The following LRRC7 variants were observed in gnomAD, a reference collection of about 807,000 sequenced individuals.
The protein encoded by LRRC7 is leucine rich repeat containing 7, also known as leucine-rich repeat-containing protein 7.
A neutral mutation model predicts 175.7 loss-of-function variants in LRRC7; 23 were observed. That is an observed-to-expected ratio of 0.13 (90% confidence interval 0.09 to 0.19). The LOEUF (loss-of-function observed/expected upper bound fraction) is 0.19. LRRC7 is among the 10% of genes least tolerant of loss of function. LRRC7 has a pLI of 1.00. For missense variants in LRRC7, 1,354 were observed against 1,904.7 expected (o/e 0.71, Z 5.38); for synonymous variants, 685 against 680.9 (o/e 1.01, Z -0.09).
chr1:69,753,075 T>G (rs1211375003), intron 2 of LRRC7, among the ~76,000 whole-genome samples: 1 of 152,116 alleles, frequency 6.6e-6, no homozygotes, highest in Non-Finnish European at 1.5e-5. Context: ...AATGTGGATA[T>G]GTACTTCCAT....
At chr1:69,795,237 G>A (rs987465228) in intron 4 of LRRC7, among the ~76,000 whole-genome samples, 1 of 152,068 alleles carries the variant, frequency 6.6e-6, no homozygotes, top group African/African-American at 2.4e-5. Context: ...AAAATTAGCT[G>A]GATGTGGTGG....
chr1:69,837,002 A>G (rs919319372), intron 6 of LRRC7, among the ~76,000 whole-genome samples: 3 of 152,062 alleles, frequency 2.0e-5, no homozygotes, highest in South Asian at 4.1e-4. Flanking sequence ...CAGAGAATCC[A>G]ATTAATATCT....
intron 3 of LRRC7, among the ~76,000 whole-genome samples, chr1:69,791,340 A>G (rs2093664556): frequency 6.6e-6 from 1 of 152,028 alleles, no homozygotes; most frequent in Non-Finnish European, 1.5e-5. Flanking sequence ...TATTTGGGTA[A>G]AGCTCAATAA....
chr1:69,629,229 C>T (rs1416751633), intron 1 of LRRC7, among the ~76,000 whole-genome samples: 1 of 151,944 alleles, frequency 6.6e-6, no homozygotes, highest in Non-Finnish European at 1.5e-5. Flanking sequence ...AGGCTGTTAT[C>T]CAAGATGTAC....
At chr1:70,077,904 G>A (rs650184) in intron 24 of LRRC7, among the ~76,000 whole-genome samples, 113,207 of 151,984 alleles carry the variant, frequency 0.74, 42,265 homozygotes, top group Middle Eastern at 0.83. Context: ...TAAGCATTCA[G>A]TTGAATGCTT....
chr1:69,657,060 A>G (rs1417700394), intron 1 of LRRC7, among the ~76,000 whole-genome samples: 2 of 151,778 alleles, frequency 1.3e-5, no homozygotes, highest in African/African-American at 4.8e-5. Context: ...GTTTCATTTT[A>G]TTGTAAACCT....
chr1:69,662,140 G>A (rs1657558856), intron 1 of LRRC7, among the ~76,000 whole-genome samples: 1 of 151,992 alleles, frequency 6.6e-6, no homozygotes, highest in African/African-American at 2.4e-5. Flanking sequence ...GTCTCTAAAA[G>A]ACTAAACCCA....
At chr1:69,856,612 C>A (rs1252190874) in intron 7 of LRRC7, among the ~76,000 whole-genome samples, 1 of 152,096 alleles carries the variant, frequency 6.6e-6, no homozygotes, top group African/African-American at 2.4e-5. Context: ...GAAATTGAGG[C>A]AATAATTAAT....
chr1:69,767,064 G>A (rs997625360), intron 3 of LRRC7, among the ~76,000 whole-genome samples: 19 of 141,776 alleles, frequency 1.3e-4, no homozygotes, highest in Non-Finnish European at 4.9e-5. Context: ...CCTCGCCCCT[G>A]GCAACTTATT....
intron 26 of LRRC7, among the ~76,000 whole-genome samples, chr1:70,113,843 A>G (rs1182261931): frequency 6.6e-6 from 1 of 152,170 alleles, no homozygotes; most frequent in Non-Finnish European, 1.5e-5. Flanking sequence ...ATTCTTACAG[A>G]TATATTTTTC....
intron 7 of LRRC7, among the ~76,000 whole-genome samples, chr1:69,904,166 T>C (rs1041179328): frequency 6.6e-6 from 1 of 152,176 alleles, no homozygotes; most frequent in African/African-American, 2.4e-5. Flanking sequence ...GAATAATCTC[T>C]AGGAATATCT....
At chr1:69,582,183 A>G (rs992763055) in intron 1 of LRRC7, among the ~76,000 whole-genome samples, 13 of 152,236 alleles carry the variant, frequency 8.5e-5, no homozygotes, top group African/African-American at 2.7e-4. Context: ...TACATAATCT[A>G]GGAATGTATT....
chr1:69,708,436 G>C (rs932879958), intron 2 of LRRC7, among the ~76,000 whole-genome samples: 2 of 151,982 alleles, frequency 1.3e-5, no homozygotes, highest in African/African-American at 4.8e-5. Context: ...ACATACCTTA[G>C]TGCCTTTTTG....
Position 69,768,063 on chromosome 1 carries a change from A to G in LRRC7, c.303+7670A>G, listed in dbSNP as rs147925454. On this transcript the variant is annotated intron_variant, in intron 3 of 26. Coordinates refer to ENST00000651989, the MANE Select transcript of LRRC7 (RefSeq NM_001370785.2). ...TTTGTAGCTGAAACACCGATCATTC[A>G]ATATAAAGCAGTCAGGGATTTATCA... Among the ~76,000 whole-genome samples the G allele has an allele frequency of 7.5e-4, 114 of 152,292 alleles. No individual in the cohort carries two copies. The East Asian group carries it at 0.02, about 27-fold the overall frequency.
intron 21 of LRRC7, among the ~76,000 whole-genome samples, chr1:70,041,285 G>A (rs1183338718): frequency 6.6e-6 from 1 of 152,144 alleles, no homozygotes; most frequent in African/African-American, 2.4e-5. Context: ...CTTGTAGGTC[G>A]TGTCTACATG....
chr1:69,842,010 A>G (rs993281379), intron 7 of LRRC7, among the ~76,000 whole-genome samples: 8 of 152,136 alleles, frequency 5.3e-5, no homozygotes, highest in Non-Finnish European at 1.0e-4. Context: ...CTCTCTCTAG[A>G]TGGTTTCAAG....
intron 3 of LRRC7, among the ~76,000 whole-genome samples, chr1:69,775,608 T>C (rs1349071776): frequency 6.6e-6 from 1 of 152,176 alleles, no homozygotes; most frequent in Non-Finnish European, 1.5e-5. Context: ...ACATGTAAAA[T>C]TCATATATAG....
chr1:69,852,870 AGTG>A (rs1485107963), intron 7 of LRRC7, among the ~76,000 whole-genome samples: 1 of 152,212 alleles, frequency 6.6e-6, no homozygotes, highest in African/African-American at 2.4e-5. Flanking sequence ...AAGAAGTTAC[AGTG>A]TATTGTAAGG....
chr1:69,728,507 C>G lies in LRRC7; in HGVS notation c.101-31684C>G, dbSNP rs530501761. On this transcript the variant is annotated intron_variant, in intron 2 of 26. Transcript: ENST00000651989. ...TGCAGTGTACTCCTTGTGAACAAGA[C>G]AGATTAGATAGTTATTGCTACATCA... is the stretch of plus-strand genomic sequence containing the variant. Among the ~76,000 whole-genome samples, 5 of 151,958 alleles carry G rather than the reference C, an allele frequency of 3.3e-5. No homozygotes were observed. The South Asian group carries it at 6.3e-4, about 19-fold the overall frequency.
Sources: gnomAD v4.1 joint callset for allele counts (sites outside exome capture counted in the v4.1 genomes callset) on GRCh38, gnomAD v4.1.1 for gene constraint, MANE v1.5 for transcripts, NCBI Gene and HGNC (gene_info 2026-07-23, HGNC 2026-07-21) for gene names.